The following KIAA0319L variants were observed in gnomAD, a reference collection of about 807,000 sequenced individuals.
KIAA0319L encodes the protein KIAA0319 like.
In KIAA0319L, 55 loss-of-function variants were observed where a neutral mutation model predicts 120.1. The ratio of observed to expected loss-of-function variants is 0.46; its 90% CI spans 0.37 to 0.57. The LOEUF (loss-of-function observed/expected upper bound fraction) is 0.57. KIAA0319L is among the 20% of genes least tolerant of loss of function. The probability of loss-of-function intolerance (pLI) is 0.00; values close to 1 mark genes in which losing one functional copy is unlikely to be tolerated. For missense variants in KIAA0319L, 1,049 were observed against 1,255.3 expected, an observed-to-expected ratio of 0.84 and a Z score of 2.48; for synonymous variants, 398 against 471.9, an observed-to-expected ratio of 0.84 and a Z score of 2.03.
At chr1:35,469,361 G>A (rs1175783088) in intron 6 of KIAA0319L, among the ~76,000 whole-genome samples, 1 of 152,130 alleles carries the variant, frequency 6.6e-6, no homozygotes, top group East Asian at 1.9e-4. Flanking sequence ...CCTCCAATCT[G>A]TAGTCAGGTG....
intron 4 of KIAA0319L, among the ~76,000 whole-genome samples, chr1:35,477,475 G>A (rs1017796355): frequency 6.6e-6 from 1 of 152,092 alleles, no homozygotes. Context: ...AGACCATCCT[G>A]GCTAACACGG....
At chr1:35,446,452 G>A (rs956092445) in intron 16 of KIAA0319L, among the ~76,000 whole-genome samples, 3 of 152,132 alleles carry the variant, frequency 2.0e-5, no homozygotes, top group Non-Finnish European at 4.4e-5. Flanking sequence ...TCCTCAAAAA[G>A]GTGTTATACT....
At position 35,536,243 on chromosome 1, in the gene KIAA0319L, C is replaced by T. The variant is rs113149225; in HGVS notation, c.142+18107G>A. Reference sequence around the variant, plus strand: ...AGCAGAGTGGATAAAAAAGAGATAACTGAATAATATAACCAGCTGGGAAAC... The same window carrying T: ...AGCAGAGTGGATAAAAAAGAGATAATTGAATAATATAACCAGCTGGGAAAC... On this transcript the variant is annotated intron_variant, in intron 2 of 20. Transcript: ENST00000325722. Among the ~76,000 whole-genome samples, 253 of 152,304 alleles carry T rather than the reference C, an allele frequency of 1.7e-3. 3 individuals are homozygous for T. Among genetic ancestry groups the T allele is most frequent in the African/African-American group, 5.4e-3 (224 of 41,560 alleles).
intron 2 of KIAA0319L, among the ~76,000 whole-genome samples, chr1:35,532,854 G>A (rs1188212842): frequency 6.6e-6 from 1 of 152,170 alleles, no homozygotes; most frequent in African/African-American, 2.4e-5. Context: ...TGAGAACAGT[G>A]GAGCAAAGCC....
chr1:35,474,831 G>A lies in KIAA0319L; in HGVS notation c.989C>T (p.Ala330Val). ...TTTAGGTGGTTCTTGGAGAACATAT[G>A]CATTTAATTGAACTTCATTCTTAGG... is the stretch of plus-strand genomic sequence containing the variant. ...TLPKNEVQLN[A>V]YVLQEPPKGE... The change falls in exon 5 of 21, where the codon GCA (alanine) becomes GTA (valine). Residue 330 changes from alanine to valine, a missense_variant. Physicochemically the swap from Ala to Val is moderately conservative, Grantham distance 64 (BLOSUM62 0). Coordinates refer to ENST00000325722, the MANE Select transcript of KIAA0319L (RefSeq NM_024874.5). The A allele has an allele frequency of 6.2e-7, 1 of 1,605,388 alleles. No individual in the cohort carries two copies. The highest frequency in any genetic ancestry group is 8.5e-7 in the Non-Finnish European group (1 of 1,172,426).
At chr1:35,468,548 A>G (rs1643423128) in intron 6 of KIAA0319L, among the ~76,000 whole-genome samples, 1 of 152,230 alleles carries the variant, frequency 6.6e-6, no homozygotes, top group Non-Finnish European at 1.5e-5. Flanking sequence ...ACTCTGTCCA[A>G]AAATGAATTA....
chr1:35,541,427 G>A (rs1475790204), intron 2 of KIAA0319L, among the ~76,000 whole-genome samples: 2 of 130,962 alleles, frequency 1.5e-5, no homozygotes, highest in African/African-American at 5.8e-5. Flanking sequence ...TCAGCTCACC[G>A]CAACCTCTCC....
intron 2 of KIAA0319L, among the ~76,000 whole-genome samples, chr1:35,529,988 T>A (rs1004706767): frequency 1.3e-5 from 2 of 152,174 alleles, no homozygotes; most frequent in African/African-American, 4.8e-5. Context: ...AATGCCTTTT[T>A]TTTTTTTTTT....
chr1:35,488,787 A>G (rs959959232), intron 3 of KIAA0319L, among the ~76,000 whole-genome samples: 8 of 152,168 alleles, frequency 5.3e-5, no homozygotes, highest in African/African-American at 1.9e-4. Context: ...GGGGCCAATC[A>G]AATAAAGACT....
At chr1:35,536,468 G>A (rs1204510363) in intron 2 of KIAA0319L, among the ~76,000 whole-genome samples, 3 of 152,174 alleles carry the variant, frequency 2.0e-5, no homozygotes, top group Non-Finnish European at 4.4e-5. Flanking sequence ...AGTTCACCTA[G>A]GCAAAGAGCC....
intron 2 of KIAA0319L, among the ~76,000 whole-genome samples, chr1:35,541,159 CT>C (rs1340477296): frequency 6.6e-6 from 1 of 151,892 alleles, no homozygotes; most frequent in Non-Finnish European, 1.5e-5. Flanking sequence ...CCAGACTGGT[CT>C]CAAACTTCTG....
intron 3 of KIAA0319L, among the ~76,000 whole-genome samples, chr1:35,489,824 GC>G (rs889146805): frequency 1.3e-5 from 2 of 151,820 alleles, no homozygotes; most frequent in Non-Finnish European, 2.9e-5. Flanking sequence ...CTGCCACTGT[GC>G]CCGGCTAATT....
chr1:35,540,687 T>C (rs952322848), intron 2 of KIAA0319L, among the ~76,000 whole-genome samples: 1 of 152,206 alleles, frequency 6.6e-6, no homozygotes, highest in Non-Finnish European at 1.5e-5. Flanking sequence ...GGTTATTCTA[T>C]TAAGACCAGC....
At chr1:35,535,215 C>T (rs1169061844) in intron 2 of KIAA0319L, among the ~76,000 whole-genome samples, 1 of 151,394 alleles carries the variant, frequency 6.6e-6, no homozygotes, top group Non-Finnish European at 1.5e-5. Context: ...ACTCTACCTA[C>T]TTGAAACAGA....
chr1:35,553,283 T>C (rs1647431504), intron 2 of KIAA0319L, among the ~76,000 whole-genome samples: 1 of 151,902 alleles, frequency 6.6e-6, no homozygotes, highest in South Asian at 2.1e-4. Flanking sequence ...ATTACTTATT[T>C]AATTCTAATG....
At chr1:35,537,615 TAAAAAA>T (rs58080321) in intron 2 of KIAA0319L, among the ~76,000 whole-genome samples, 1 of 102,936 alleles carries the variant, frequency 9.7e-6, no homozygotes, top group East Asian at 2.9e-4. Flanking sequence ...TAAGCGCCAT[TAAAAAA>T]AAAAAAAAAA....
intron 15 of KIAA0319L, among the ~76,000 whole-genome samples, chr1:35,449,095 A>G (rs1226098909): frequency 6.6e-6 from 1 of 152,192 alleles, no homozygotes; most frequent in African/African-American, 2.4e-5. Flanking sequence ...TTAAACACCA[A>G]AGAGATTTTA....
At chr1:35,535,428 A>G (rs557634735) in intron 2 of KIAA0319L, among the ~76,000 whole-genome samples, 2 of 152,272 alleles carry the variant, frequency 1.3e-5, no homozygotes, top group South Asian at 2.1e-4. Flanking sequence ...CCCCACCCCA[A>G]AAATCTGTGG....
chr1:35,476,924 C>A (rs555622639), intron 4 of KIAA0319L, among the ~76,000 whole-genome samples: 4 of 152,288 alleles, frequency 2.6e-5, no homozygotes, highest in Admixed American at 6.5e-5. Context: ...TAGAACAGCA[C>A]CTGTGAAGCA....
Sources: gnomAD v4.1 joint callset for allele counts (sites outside exome capture counted in the v4.1 genomes callset) on GRCh38, gnomAD v4.1.1 for gene constraint, MANE v1.5 for transcripts, NCBI Gene and HGNC (gene_info 2026-07-23, HGNC 2026-07-21) for gene names.